The following PPARGC1A variants were observed in gnomAD, a reference collection of about 807,000 sequenced individuals.
The protein encoded by PPARGC1A is PPARG coactivator 1 alpha, also known as peroxisome proliferator-activated receptor gamma coactivator 1-alpha.
A neutral mutation model predicts 88.7 loss-of-function variants in PPARGC1A; 25 were observed. The ratio of observed to expected loss-of-function variants is 0.28; its 90% CI spans 0.21 to 0.39. The LOEUF (loss-of-function observed/expected upper bound fraction) is 0.39, where lower values mean the gene tolerates loss of function less well. Among genes scored for constraint, PPARGC1A ranks in the 10% least tolerant of loss-of-function variants. The probability of loss-of-function intolerance (pLI) is 1.00; values close to 1 mark genes in which losing one functional copy is unlikely to be tolerated. For missense variants in PPARGC1A, 880 were observed against 968.7 expected, an observed-to-expected ratio of 0.91 and a Z score of 1.22; for synonymous variants, 363 against 355.6, an observed-to-expected ratio of 1.02 and a Z score of -0.24.
At chr4:24,358,517 G>A in the PPARGC1A span, among the ~76,000 whole-genome samples, 8 of 152,158 alleles carry the variant, frequency 5.3e-5, no homozygotes, top group African/African-American at 1.9e-4. Context: ...CCCAAGTTCT[G>A]ATGCTACATT....
chr4:24,365,507 AT>A, the PPARGC1A span, among the ~76,000 whole-genome samples: 3 of 151,636 alleles, frequency 2.0e-5, no homozygotes, highest in Admixed American at 6.6e-5. Context: ...CCCTGTATTT[AT>A]TTTATTTCAC....
chr4:23,850,492 C>T (rs1473167221), intron 2 of PPARGC1A, among the ~76,000 whole-genome samples: 1 of 152,198 alleles, frequency 6.6e-6, no homozygotes, highest in Non-Finnish European at 1.5e-5. Flanking sequence ...CAGTAAAGTA[C>T]AGCCTTCTTT....
At chr4:23,814,737 A>G in intron 7 of PPARGC1A, 132 bp from the exon 8 acceptor site, 1 of 855,318 alleles carries the variant, frequency 1.2e-6, no homozygotes, top group Admixed American at 3.3e-5. Context: ...TGAGTGAAGA[A>G]GAAGGAAACT....
At chr4:24,232,294 T>A in the PPARGC1A span, among the ~76,000 whole-genome samples, 5 of 152,124 alleles carry the variant, frequency 3.3e-5, no homozygotes, top group South Asian at 1.0e-3. Context: ...CGAAATCACA[T>A]CGTTCCCTTC....
chr4:24,461,940 G>T, the PPARGC1A span, among the ~76,000 whole-genome samples: 1 of 147,870 alleles, frequency 6.8e-6, no homozygotes, highest in Non-Finnish European at 1.5e-5. Context: ...CCACAGCACC[G>T]CTATCTCCTC....
chr4:23,992,712 A>G, the PPARGC1A span, among the ~76,000 whole-genome samples: 1 of 152,210 alleles, frequency 6.6e-6, no homozygotes, highest in South Asian at 2.1e-4. Context: ...TTAATTTTAT[A>G]CCCACTTGTA....
chr4:24,351,926 C>T, the PPARGC1A span, among the ~76,000 whole-genome samples: 4 of 152,008 alleles, frequency 2.6e-5, no homozygotes, highest in African/African-American at 7.2e-5. Context: ...AATGCTATCC[C>T]GTGTGGCAGT....
intron 4 of PPARGC1A, 21 bp from the exon 5 acceptor site, chr4:23,828,625 A>G (rs765920375): frequency 1.2e-6 from 2 of 1,610,652 alleles, no homozygotes; most frequent in Non-Finnish European, 1.7e-6. Context: ...AGGCATAAAG[A>G]AAGCTAAAAT....
At chr4:24,404,250 G>A in the PPARGC1A span, among the ~76,000 whole-genome samples, 4 of 151,966 alleles carry the variant, frequency 2.6e-5, no homozygotes, top group African/African-American at 9.6e-5. Flanking sequence ...GTGACAGAGT[G>A]AGACTCCATC....
the PPARGC1A span, among the ~76,000 whole-genome samples, chr4:24,458,674 T>G: frequency 0.041 from 6,226 of 152,206 alleles, 170 homozygotes; most frequent in Non-Finnish European, 0.057. Flanking sequence ...GGTATTACCC[T>G]AAAGAAATAC....
At chr4:24,387,762 G>GAAAGAAAGAAAGAAAGAAAGAA in the PPARGC1A span, among the ~76,000 whole-genome samples, 11 of 73,020 alleles carry the variant, frequency 1.5e-4, no homozygotes, top group Non-Finnish European at 2.0e-4. Flanking sequence ...GAGAGAGAGA[G>GAAAGAAAGAAAGAAAGAAAGAA]AGAGAGAAAG....
At chr4:24,019,774 C>G in the PPARGC1A span, among the ~76,000 whole-genome samples, 2 of 152,192 alleles carry the variant, frequency 1.3e-5, no homozygotes, top group African/African-American at 2.4e-5. Flanking sequence ...GACAAACAGC[C>G]TCTCCAAACC....
At chr4:24,066,789 T>A in the PPARGC1A span, among the ~76,000 whole-genome samples, 1 of 152,040 alleles carries the variant, frequency 6.6e-6, no homozygotes, top group Admixed American at 6.5e-5. Flanking sequence ...CTAGTCTATC[T>A]TTGCCATGAC....
the PPARGC1A span, among the ~76,000 whole-genome samples, chr4:24,300,806 T>C: frequency 1.3e-5 from 2 of 152,158 alleles, no homozygotes; most frequent in Non-Finnish European, 2.9e-5. Flanking sequence ...TTGACTAACA[T>C]GTCCAAGAAA....
chr4:24,032,019 C>T, the PPARGC1A span, among the ~76,000 whole-genome samples: 1 of 152,168 alleles, frequency 6.6e-6, no homozygotes, highest in African/African-American at 2.4e-5. Flanking sequence ...TATTCCACCA[C>T]ACCAAAATCC....
At chr4:23,824,101 T>TTTA (rs1723478545) in intron 7 of PPARGC1A, among the ~76,000 whole-genome samples, 179 bp downstream of exon 7, 1 of 131,670 alleles carries the variant, frequency 7.6e-6, no homozygotes, top group African/African-American at 2.6e-5. Flanking sequence ...TTCAATATTT[T>TTTA]TTATTAGTTT....
At chr4:24,035,619 T>C in the PPARGC1A span, among the ~76,000 whole-genome samples, 3 of 151,972 alleles carry the variant, frequency 2.0e-5, no homozygotes, top group African/African-American at 7.2e-5. Context: ...GTAATTTTTG[T>C]AGGTAGAGCT....
chr4:24,424,901 G>C, the PPARGC1A span, among the ~76,000 whole-genome samples: 3 of 152,180 alleles, frequency 2.0e-5, no homozygotes, highest in Non-Finnish European at 4.4e-5. Context: ...AGAGGGCAGA[G>C]CCAGTCGGCA....
the PPARGC1A span, among the ~76,000 whole-genome samples, chr4:24,371,212 T>C: frequency 2.0e-5 from 3 of 152,328 alleles, no homozygotes; most frequent in Non-Finnish European, 4.4e-5. Flanking sequence ...TCCAAGTCTT[T>C]GCTATTGTAA....
Sources: gnomAD v4.1 joint callset for allele counts (sites outside exome capture counted in the v4.1 genomes callset) on GRCh38, gnomAD v4.1.1 for gene constraint, MANE v1.5 for transcripts, NCBI Gene and HGNC (gene_info 2026-07-23, HGNC 2026-07-21) for gene names.